The following BMPR1B variants were observed in gnomAD, a reference collection of about 807,000 sequenced individuals.
BMPR1B encodes the protein bone morphogenetic protein receptor type-1B.
BMPR1B carries 12 observed loss-of-function variants against 59.1 expected under a neutral mutation model. The observed-to-expected ratio is 0.20, with a 90% CI of 0.13 to 0.33. BMPR1B has a LOEUF of 0.33. Ranked by LOEUF, BMPR1B falls within the 10% of genes least tolerant of loss-of-function variation. The probability of loss-of-function intolerance (pLI) is 1.00; values close to 1 mark genes in which losing one functional copy is unlikely to be tolerated. For synonymous variants in BMPR1B, 237 were observed against 207.3 expected (o/e 1.14, Z -1.23); for missense variants, 550 against 610.9 (o/e 0.90, Z 1.05).
intron 3 of BMPR1B, among the ~76,000 whole-genome samples, chr4:95,013,346 T>C (rs1230737408): frequency 6.6e-6 from 1 of 152,208 alleles, no homozygotes. Flanking sequence ...TTTATCTGAT[T>C]TTCCATTGAG....
intron 8 of BMPR1B, among the ~76,000 whole-genome samples, chr4:95,128,816 T>C (rs1486822419): frequency 6.6e-6 from 1 of 152,220 alleles, no homozygotes; most frequent in Non-Finnish European, 1.5e-5. Flanking sequence ...CTTGGCATTC[T>C]GTATCTCAGA....
At chr4:94,776,962 G>A (rs1722393117) in intron 1 of BMPR1B, among the ~76,000 whole-genome samples, 1 of 151,698 alleles carries the variant, frequency 6.6e-6, no homozygotes, top group Admixed American at 6.6e-5. Flanking sequence ...TCTTAATTTT[G>A]TATTTTATTT....
At chr4:94,823,189 A>G (rs1246038371) in intron 1 of BMPR1B, among the ~76,000 whole-genome samples, 1 of 152,184 alleles carries the variant, frequency 6.6e-6, no homozygotes, top group Non-Finnish European at 1.5e-5. Flanking sequence ...CTCACTTCAT[A>G]TTCTAAATTA....
chr4:94,857,396 A>T (rs1725801636), intron 1 of BMPR1B, among the ~76,000 whole-genome samples: 1 of 152,182 alleles, frequency 6.6e-6, no homozygotes, highest in Non-Finnish European at 1.5e-5. Flanking sequence ...ATCTTCAATG[A>T]ATAGTTACAC....
intron 2 of BMPR1B, among the ~76,000 whole-genome samples, chr4:94,916,102 A>C (rs942298673): frequency 2.0e-5 from 3 of 152,182 alleles, no homozygotes; most frequent in African/African-American, 7.2e-5. Context: ...TGAGCTGGTT[A>C]AACCTCTTTT....
At chr4:95,114,655 C>A in intron 4 of BMPR1B, 65 bp from the exon 5 acceptor site, 1 of 1,328,750 alleles carries the variant, frequency 7.5e-7, no homozygotes, top group Non-Finnish European at 1.1e-6. Flanking sequence ...GACACACACA[C>A]ACACACACAC....
chr4:95,095,093 A>T (rs1242201488), intron 3 of BMPR1B, among the ~76,000 whole-genome samples: 4 of 151,976 alleles, frequency 2.6e-5, no homozygotes, highest in Non-Finnish European at 4.4e-5. Flanking sequence ...AAAATGATTT[A>T]TTTGAAAGTA....
chr4:94,855,343 T>A (rs2148950999), intron 1 of BMPR1B, among the ~76,000 whole-genome samples: 1 of 152,312 alleles, frequency 6.6e-6, no homozygotes, highest in Admixed American at 6.5e-5. Context: ...AGGTTAATTA[T>A]CTTGCTCAAG....
At chr4:94,795,542 G>C (rs1723154664) in intron 1 of BMPR1B, among the ~76,000 whole-genome samples, 1 of 152,018 alleles carries the variant, frequency 6.6e-6, no homozygotes, top group South Asian at 2.1e-4. Flanking sequence ...TCAGCTCACT[G>C]CAACCTCTGC....
chr4:94,856,453 G>C (rs1725758601), intron 1 of BMPR1B, among the ~76,000 whole-genome samples: 1 of 152,182 alleles, frequency 6.6e-6, no homozygotes, highest in Admixed American at 6.5e-5. Context: ...CCTGAAAGGA[G>C]GGGGTTTCCT....
At chr4:95,132,300 T>A (rs1325413074) in intron 10 of BMPR1B, among the ~76,000 whole-genome samples, 1 of 152,218 alleles carries the variant, frequency 6.6e-6, no homozygotes, top group Non-Finnish European at 1.5e-5. Flanking sequence ...TTGGATCATC[T>A]TGTGGATTTT....
intron 2 of BMPR1B, among the ~76,000 whole-genome samples, chr4:94,922,832 A>G (rs1728753021): frequency 6.6e-6 from 1 of 152,070 alleles, no homozygotes; most frequent in Admixed American, 6.6e-5. Context: ...ATACCTTTAC[A>G]CCCTCTATAA....
intron 2 of BMPR1B, among the ~76,000 whole-genome samples, chr4:94,898,718 A>AGT (rs1553916658): frequency 6.6e-6 from 1 of 151,612 alleles, no homozygotes; most frequent in Non-Finnish European, 1.5e-5. Context: ...CACTTTAAAC[A>AGT]CTTCATTTTT....
chr4:94,878,734 C>CTTTT (rs542970645), intron 2 of BMPR1B, among the ~76,000 whole-genome samples: 1 of 127,322 alleles, frequency 7.9e-6, no homozygotes. Flanking sequence ...ACAGGTTCTG[C>CTTTT]TTTTTTTTTT....
intron 3 of BMPR1B, among the ~76,000 whole-genome samples, chr4:95,011,757 G>A (rs983726287): frequency 1.3e-5 from 2 of 152,102 alleles, no homozygotes; most frequent in East Asian, 1.9e-4. Context: ...AGTGGCTCAC[G>A]GCTGTAATCC....
chr4:94,975,700 G>A (rs1731006736), intron 2 of BMPR1B, among the ~76,000 whole-genome samples: 1 of 152,114 alleles, frequency 6.6e-6, no homozygotes, highest in African/African-American at 2.4e-5. Context: ...GTATTAAAAA[G>A]AAGATGATAT....
rs1259515991 is a variant in BMPR1B at position 95,004,675 on chromosome 4, A to G, written c.-18+8541A>G. On this transcript the variant is annotated intron_variant, in intron 3 of 12. Transcript: ENST00000515059. ...CTGTCTTTCTACTTCTCTCTATACC[A>G]ATTTTAACTTCATCAGTAAATTAAT... Among the ~76,000 whole-genome samples the G allele has an allele frequency of 3.3e-5, 5 of 152,134 alleles. No homozygotes were observed. The South Asian group carries it at 1.0e-3, about 32-fold the overall frequency.
chr4:94,999,960 C>A (rs899946146), intron 3 of BMPR1B, among the ~76,000 whole-genome samples: 35 of 152,116 alleles, frequency 2.3e-4, no homozygotes, highest in Non-Finnish European at 3.2e-4. Context: ...TGTGAAATAG[C>A]AGCTGTTTCT....
chr4:95,012,716 T>C (rs1359494000), intron 3 of BMPR1B, among the ~76,000 whole-genome samples: 1 of 152,192 alleles, frequency 6.6e-6, no homozygotes, highest in East Asian at 1.9e-4. Context: ...GCTAGCAGCA[T>C]TTACAACTTC....
Sources: allele counts gnomAD v4.1 joint callset (sites outside exome capture counted in the v4.1 genomes callset), GRCh38; gene constraint gnomAD v4.1.1; transcripts MANE v1.5; gene names NCBI Gene and HGNC (gene_info 2026-07-23, HGNC 2026-07-21).